DMD: variants seen among roughly 807,000 people sequenced by gnomAD.
DMD encodes the protein dystrophin, also known as mutant dystrophin.
Under a neutral mutation model 330.1 loss-of-function variants are expected in DMD, and 63 were observed. The ratio of observed to expected loss-of-function variants is 0.19; its 90% CI spans 0.16 to 0.24. DMD has a LOEUF of 0.24. Among genes scored for constraint, DMD ranks in the 10% least tolerant of loss-of-function variants. The probability of loss-of-function intolerance (pLI) is 1.00; values close to 1 mark genes in which losing one functional copy is unlikely to be tolerated. For missense variants in DMD, 3,344 were observed against 2,684.1 expected (o/e 1.25, Z -5.43); for synonymous variants, 1,223 against 959.8 (o/e 1.27, Z -5.07).
intron 8 of DMD, among the ~76,000 whole-genome samples, chrX:32,698,803 T>C (rs186891936): frequency 1.2e-4 from 13 of 111,538 alleles, no homozygotes; most frequent in Admixed American, 6.7e-4. Context: ...GAGTTTAATA[T>C]GTACGTAAGT....
chrX:32,849,710 T>TA lies in DMD; in HGVS notation c.186+17dup. 1 of 1,150,647 alleles carries TA rather than the reference T, an allele frequency of 8.7e-7. No individual in the cohort carries two copies. The highest frequency in any genetic ancestry group is 3.0e-5 in the East Asian group (1 of 33,506). 94.8% of individuals were successfully genotyped at this position (1,150,647 alleles called of 1,213,427 possible). On this transcript the variant is annotated intron_variant, in intron 3 of 78. Transcript: ENST00000357033. The stretch of plus-strand genomic sequence containing the variant: ...CTACTAAGTTTAAAGTTAACTTTCT[T>TA]AAAAATAAGTCACATACCAGTTTTT...
At chrX:31,351,922 G>C (rs2058448486) in intron 60 of DMD, among the ~76,000 whole-genome samples, 1 of 106,182 alleles carries the variant, frequency 9.4e-6, no homozygotes, top group Non-Finnish European at 2.0e-5. Flanking sequence ...TAAAAACTGA[G>C]GCATGAGAGG....
intron 67 of DMD, among the ~76,000 whole-genome samples, chrX:31,183,139 T>C (rs1010580250): frequency 9.7e-6 from 1 of 102,859 alleles, no homozygotes; most frequent in East Asian, 3.0e-4. Context: ...TTTTGGCTAC[T>C]AGATGACAAG....
At chrX:33,259,996 A>G (rs768562084) in intron 1 of DMD, among the ~76,000 whole-genome samples, 101 of 110,918 alleles carry the variant, frequency 9.1e-4, no homozygotes, top group African/African-American at 3.3e-3. Context: ...ATTGTTTACA[A>G]GTTTGGTCAA....
intron 1 of DMD, among the ~76,000 whole-genome samples, chrX:33,163,689 T>C (rs1419514587): frequency 1.9e-5 from 2 of 106,200 alleles, no homozygotes; most frequent in African/African-American, 6.9e-5. Context: ...CTGCTCAGAA[T>C]TGCATTCCTC....
chrX:31,406,394 C>G (rs2061404362), intron 60 of DMD, among the ~76,000 whole-genome samples: 1 of 109,766 alleles, frequency 9.1e-6, no homozygotes, highest in Non-Finnish European at 1.9e-5. Flanking sequence ...AAAATAAAAG[C>G]TAAAAAAAGA....
intron 60 of DMD, among the ~76,000 whole-genome samples, chrX:31,363,103 C>G (rs2059029601): frequency 8.9e-6 from 1 of 112,307 alleles, no homozygotes; most frequent in African/African-American, 3.2e-5. Flanking sequence ...ACAGATGATT[C>G]TTATCTGTTC....
In DMD at chrX:31,822,653, G is replaced by GGTGTGTGTGTGTGTGTGTGTGTGTGTGT. The variant is rs1556919105; in HGVS notation, c.7201-2598_7201-2571dup. ...TTGGCCATACAGAAAAAGGCAGAGG[G>GGTGTGTGTGTGTGTGTGTGTGTGTGTGT]GTGTGTGTGTGTGTGTGTGTGTGTG... On this transcript the variant is annotated intron_variant, in intron 49 of 78. Transcript: ENST00000357033. 9.4e-4 allele frequency among the ~76,000 whole-genome samples: 62 copies of GGTGTGTGTGTGTGTGTGTGTGTGTGTGT among 65,799 alleles called. 3 individuals carry two copies. The highest frequency in any genetic ancestry group is 2.1e-3 in the Admixed American group (9 of 4,379). 57.1% of individuals were successfully genotyped at this position (65,799 alleles called of 115,157 possible).
intron 9 of DMD, among the ~76,000 whole-genome samples, chrX:32,678,374 A>G (rs1197182906): frequency 8.9e-6 from 1 of 111,999 alleles, no homozygotes; most frequent in African/African-American, 3.2e-5. Context: ...ATGTCAACTA[A>G]AATATCCAAA....
intron 55 of DMD, among the ~76,000 whole-genome samples, chrX:31,508,706 T>C (rs898109032): frequency 1.8e-5 from 2 of 111,960 alleles, no homozygotes; most frequent in African/African-American, 3.2e-5. Flanking sequence ...GAGATTTGTA[T>C]GCTTCTGTTC....
At chrX:32,116,471 G>A (rs763339963) in intron 44 of DMD, among the ~76,000 whole-genome samples, 10 of 112,067 alleles carry the variant, frequency 8.9e-5, no homozygotes, top group Non-Finnish European at 1.7e-4. Context: ...TGTATCCCAA[G>A]TACCTGGCAT....
At chrX:31,635,121 G>A (rs1304682290) in intron 54 of DMD, among the ~76,000 whole-genome samples, 2 of 111,473 alleles carry the variant, frequency 1.8e-5, no homozygotes, top group Non-Finnish European at 3.8e-5. Flanking sequence ...ACAACTGTAA[G>A]GGATCTTTAG....
chrX:31,361,770 C>CTTT (rs1174751121), intron 60 of DMD, among the ~76,000 whole-genome samples: 10 of 93,413 alleles, frequency 1.1e-4, no homozygotes, highest in Admixed American at 2.3e-4. Context: ...CTCTTACCAT[C>CTTT]TTTTTTTTTT....
At chrX:33,268,785 G>C (rs2053094659) in intron 1 of DMD, among the ~76,000 whole-genome samples, 1 of 109,438 alleles carries the variant, frequency 9.1e-6, no homozygotes, top group East Asian at 2.9e-4. Context: ...AAATTAGCTG[G>C]GTGTGGTGGT....
intron 11 of DMD, among the ~76,000 whole-genome samples, chrX:32,624,210 G>A (rs773937592): frequency 8.9e-6 from 1 of 111,945 alleles, no homozygotes; most frequent in African/African-American, 3.2e-5. Context: ...ATTTAGACGG[G>A]AAAGTAAAAG....
At chrX:33,075,611 C>T (rs926233391) in intron 1 of DMD, among the ~76,000 whole-genome samples, 1 of 112,038 alleles carries the variant, frequency 8.9e-6, no homozygotes, top group South Asian at 3.7e-4. Flanking sequence ...GAATTAATAC[C>T]GAGCAAATGA....
intron 7 of DMD, among the ~76,000 whole-genome samples, chrX:32,735,907 C>T (rs754998514): frequency 5.5e-4 from 61 of 111,831 alleles, no homozygotes; most frequent in African/African-American, 1.9e-3. Context: ...AAAGCCAGAA[C>T]TGACAAATGG....
intron 44 of DMD, among the ~76,000 whole-genome samples, chrX:32,099,389 T>C (rs2096527960): frequency 1.8e-5 from 2 of 111,164 alleles, no homozygotes; most frequent in Non-Finnish European, 3.8e-5. Context: ...ATCCCATTAC[T>C]GGGTATATAC....
intron 2 of DMD, among the ~76,000 whole-genome samples, chrX:32,996,621 G>A (rs1354796613): frequency 9.0e-6 from 1 of 111,032 alleles, no homozygotes; most frequent in Non-Finnish European, 1.9e-5. Context: ...TCAGGAGTTC[G>A]AGACCAGCCG....
Sources: allele counts gnomAD v4.1 joint callset (sites outside exome capture counted in the v4.1 genomes callset), GRCh38; gene constraint gnomAD v4.1.1; transcripts MANE v1.5; gene names NCBI Gene and HGNC (gene_info 2026-07-23, HGNC 2026-07-21).